Variants in PRKDC observed in about 807,000 individuals in gnomAD.
The protein encoded by PRKDC is protein kinase, DNA-activated, catalytic subunit, also known as DNA-dependent protein kinase catalytic subunit.
Under a neutral mutation model 486.9 loss-of-function variants are expected in PRKDC, and 82 were observed. The observed-to-expected ratio is 0.17, with a 90% CI of 0.14 to 0.20. The LOEUF is 0.20. Ranked by LOEUF, PRKDC falls within the 10% of genes least tolerant of loss-of-function variation. The pLI is 1.00. For missense variants in PRKDC, 4,504 were observed against 5,038.2 expected, an observed-to-expected ratio of 0.89 and a Z score of 3.21; for synonymous variants, 1,895 against 1,837.0, an observed-to-expected ratio of 1.03 and a Z score of -0.81.
At chr8:47,800,352 G>A (rs1041040804) in intron 71 of PRKDC, among the ~76,000 whole-genome samples, 6 of 151,144 alleles carry the variant, frequency 4.0e-5, no homozygotes, top group South Asian at 2.1e-4. Flanking sequence ...GTAAACTATC[G>A]CAAGGACAAA....
intron 85 of PRKDC, among the ~76,000 whole-genome samples, chr8:47,775,983 C>T (rs903827599): frequency 6.6e-6 from 1 of 152,052 alleles, no homozygotes; most frequent in African/African-American, 2.4e-5. Flanking sequence ...ACCACCATGC[C>T]CAGCTAATTT....
At position 47,777,691 on chromosome 8, in the gene PRKDC, A is replaced by C; in HGVS notation, c.12037T>G (p.Trp4013Gly). The change falls in exon 84 of 86, where the codon TGG becomes GGG. Residue 4013 changes from tryptophan to glycine, a missense_variant. Trp to Gly is a radical substitution (Grantham distance 184). This residue lies in a region of PRKDC where 706 missense variants were observed against 945.0 expected (regional missense o/e 0.75). Coordinates refer to ENST00000314191, the MANE Select transcript of PRKDC (RefSeq NM_006904.7). Reference protein sequence around the residue: ...DVFVKEPSFDWKNFEQKMLKK... With the variant: ...DVFVKEPSFDGKNFEQKMLKK... ...GCACATGAAACAAAACCTACTTTCC[A>C]ATCAAAGGAGGGCTCCTTGACAAAC... 1 of 1,581,348 alleles carries C rather than the reference A, an allele frequency of 6.3e-7. No homozygotes were observed. Among genetic ancestry groups the C allele is most frequent in the Non-Finnish European group, 8.6e-7 (1 of 1,159,908 alleles).
intron 80 of PRKDC, among the ~76,000 whole-genome samples, chr8:47,780,873 G>C (rs1435451968): frequency 1.3e-5 from 2 of 152,114 alleles, no homozygotes; most frequent in Admixed American, 6.6e-5. Flanking sequence ...GGGAAGCGGA[G>C]ACCACAGTGA....
At chr8:47,900,942 G>C (rs1589778017) in intron 27 of PRKDC, among the ~76,000 whole-genome samples, 1 of 151,768 alleles carries the variant, frequency 6.6e-6, no homozygotes, top group East Asian at 1.9e-4. Flanking sequence ...GAGCCCTGGA[G>C]TTCGAGACCA....
intron 40 of PRKDC, among the ~76,000 whole-genome samples, chr8:47,870,249 C>CTG (rs976104260): frequency 1.3e-5 from 2 of 152,218 alleles, no homozygotes; most frequent in African/African-American, 4.8e-5. Context: ...CTGTGCTGTG[C>CTG]TGTGCTTCAG....
chr8:47,789,666 C>T (rs2086853208), intron 74 of PRKDC, among the ~76,000 whole-genome samples: 1 of 152,140 alleles, frequency 6.6e-6, no homozygotes, highest in Admixed American at 6.6e-5. Flanking sequence ...CAACAAAATA[C>T]TTGCAAACCA....
At chr8:47,851,042 T>G (rs1169341424) in intron 52 of PRKDC, among the ~76,000 whole-genome samples, 1 of 152,210 alleles carries the variant, frequency 6.6e-6, no homozygotes, top group African/African-American at 2.4e-5. Flanking sequence ...ACTCCTGACC[T>G]CAAGTGATCT....
chr8:47,773,425 C>G lies in PRKDC; in HGVS notation c.*748G>C. ...GCTTAGTACTATCCCTAACAACAAC[C>G]ATGGGATTTTTGAAGTTATCCCAAA... is the stretch of plus-strand genomic sequence containing the variant. On this transcript the variant is annotated 3_prime_UTR_variant, in exon 86 of 86. Coordinates refer to ENST00000314191, the MANE Select transcript of PRKDC (RefSeq NM_006904.7). The G allele has an allele frequency of 4.6e-6, 1 of 215,516 alleles. No homozygotes were observed. The highest frequency in any genetic ancestry group is 7.0e-5 in the East Asian group (1 of 14,372). The allele number at this position is 215,516 out of a possible 1,614,324, so 13.4% of individuals were successfully genotyped here.
intron 42 of PRKDC, 139 bp from the exon 43 acceptor site, chr8:47,862,680 C>T: frequency 1.4e-6 from 1 of 714,606 alleles, no homozygotes; most frequent in Non-Finnish European, 2.1e-6. Context: ...GTATTAGGCA[C>T]TGGGAATATG....
At chr8:47,864,222 G>A (rs997203235) in intron 41 of PRKDC, among the ~76,000 whole-genome samples, 1 of 152,150 alleles carries the variant, frequency 6.6e-6, no homozygotes, top group African/African-American at 2.4e-5. Context: ...GGTGAAACCA[G>A]CACAAGCCAA....
At chr8:47,903,825 T>C (rs2154502405) in intron 26 of PRKDC, among the ~76,000 whole-genome samples, 1 of 152,348 alleles carries the variant, frequency 6.6e-6, no homozygotes, top group South Asian at 2.1e-4. Context: ...CATCTGAATG[T>C]AAATAAGCCA....
At position 47,821,614 on chromosome 8, in the gene PRKDC, G is replaced by A; in HGVS notation, c.9101C>T (p.Pro3034Leu). The change falls in exon 65 of 86, where the codon CCA becomes CTA. Residue 3034 changes from proline (P) to leucine (L), a missense_variant. By Grantham distance (98) the Pro-to-Leu change is moderately conservative. Around this residue, in one of 6 missense-constraint regions of PRKDC, gnomAD observed 1,592 missense variants for 1,724.6 expected, o/e 0.92. Coordinates refer to ENST00000314191, the MANE Select transcript of PRKDC (RefSeq NM_006904.7). ...AATAATTTTACCCACCTGATAAAATGGTTCACTCCAGATTTTATTTAGGTC... is the reference window on the plus strand; with the variant it reads ...AATAATTTTACCCACCTGATAAAATAGTTCACTCCAGATTTTATTTAGGTC... ...PPDLNKIWSEPFYQETYLPYM... is the reference protein window; with the variant it reads ...PPDLNKIWSELFYQETYLPYM... 1.9e-6 allele frequency: 3 copies of A among 1,594,736 alleles called. No homozygotes were observed. The highest frequency in any genetic ancestry group is 2.6e-6 in the Non-Finnish European group (3 of 1,168,806).
chr8:47,861,102 C>G (rs1384730055), intron 44 of PRKDC, 131 bp from the exon 45 acceptor site: 2 of 649,646 alleles, frequency 3.1e-6, no homozygotes, highest in African/African-American at 1.9e-5. Context: ...TAAAAGCACT[C>G]AAAAATAACC....
Position 47,778,479 on chromosome 8 carries a change from C to T in PRKDC, c.11833G>A (p.Ala3945Thr). Residue 3945 changes from alanine to threonine, a missense_variant, in exon 83 of 86, where the codon GCG becomes ACG. Around this residue, in one of 6 missense-constraint regions of PRKDC, gnomAD observed 706 missense variants for 945.0 expected, o/e 0.75. Coordinates refer to ENST00000314191, the MANE Select transcript of PRKDC (RefSeq NM_006904.7). Reference protein sequence around the residue: ...GGVIGIDFGHAFGSATQFLPV... With the variant: ...GGVIGIDFGHTFGSATQFLPV... ...TGCACCTGTGTAGCGGATCCAAACG[C>T]ATGCCCAAAGTCGATCCCGATCACG... 1 of 1,613,144 alleles carries T rather than the reference C, an allele frequency of 6.2e-7. No homozygotes were observed. Among genetic ancestry groups the T allele is most frequent in the Non-Finnish European group, 8.5e-7 (1 of 1,179,584 alleles).
chr8:47,927,440 T>C, intron 20 of PRKDC, 87 bp from the exon 21 acceptor site: 2 of 1,402,062 alleles, frequency 1.4e-6, no homozygotes, highest in Non-Finnish European at 1.9e-6. Context: ...TGATTTCTAA[T>C]TAATACTCCT....
rs1384978879 is a variant in PRKDC, at chr8:47,897,284, G to A, written c.3475C>T (p.Pro1159Ser). The change falls in exon 30 of 86, where the codon CCT (proline) becomes TCT (serine). Residue 1159 changes from proline to serine, a missense_variant. Coordinates refer to ENST00000314191, the MANE Select transcript of PRKDC (RefSeq NM_006904.7). The stretch of plus-strand genomic sequence containing the variant: ...TCCAATAAACACAATGATGCGGAAG[G>A]TGGAAATCCTCTGCACAGAGACAGC... Reference protein sequence around the residue: ...KKRRLPRGFPPSASLCLLDLV... With the variant: ...KKRRLPRGFPSSASLCLLDLV... 1 of 1,591,118 alleles carries A rather than the reference G, an allele frequency of 6.3e-7. No homozygotes were observed. The highest frequency in any genetic ancestry group is 1.3e-5 in the African/African-American group (1 of 74,790).
rs376740223 is a variant in PRKDC at position 47,943,305 on chromosome 8, G to A, written c.870C>T (p.Tyr290=). ...TTAACAAGACTTCAAATAGAGACAC[G>A]TAGTTGTCCAGAAGGCAGGTGCTAA... ...SQFSTCLLDN[Y]VSLFEVLLKW... Residue 290 remains tyrosine (Y), a synonymous_variant, in exon 10 of 86, where the codon TAC becomes TAT. Coordinates refer to ENST00000314191, the MANE Select transcript of PRKDC (RefSeq NM_006904.7). 3.5e-5 allele frequency: 56 copies of A among 1,612,218 alleles called. No individual in the cohort carries two copies. The highest frequency in any genetic ancestry group is 4.5e-5 in the Non-Finnish European group (53 of 1,179,048).
rs1317909461 is a variant in PRKDC at position 47,798,227 on chromosome 8, AGAC to A, written c.10458+7_10458+9del. The A allele has an allele frequency of 1.9e-6, 3 of 1,605,284 alleles. No homozygotes were observed. The highest frequency in any genetic ancestry group is 3.5e-5 in the Admixed American group (2 of 57,416). On this transcript the variant is annotated splice_region_variant and intron_variant, in intron 73 of 85. Transcript: ENST00000314191. ...AGTTCCTTACCGCCAAGTAGAATAA[AGAC>A]ACCAACCTCTTTTGTCATGAGGCTC...
At chr8:47,901,045 C>A (rs1422074854) in intron 27 of PRKDC, among the ~76,000 whole-genome samples, 1 of 149,266 alleles carries the variant, frequency 6.7e-6, no homozygotes, top group Admixed American at 6.7e-5. Context: ...TCCCAGCTAC[C>A]TGGGAGGCTG....
Sources: gnomAD v4.1 joint callset for allele counts (sites outside exome capture counted in the v4.1 genomes callset) on GRCh38, gnomAD v4.1.1 for gene constraint, gnomAD v4.1.1 regional missense constraint, MANE v1.5 for transcripts, NCBI Gene and HGNC (gene_info 2026-07-23, HGNC 2026-07-21) for gene names.